Variants in SLC9A9 observed in about 807,000 individuals in gnomAD.
The protein encoded by SLC9A9 is sodium/hydrogen exchanger 9.
In SLC9A9, 62 loss-of-function variants were observed where a neutral mutation model predicts 77.8. That is an observed-to-expected ratio of 0.80 (90% CI 0.65 to 0.98). SLC9A9 has a LOEUF of 0.98. Among genes scored for constraint, SLC9A9 ranks in the 50% least tolerant of loss-of-function variants. The pLI is 0.00. For synonymous variants in SLC9A9, 320 were observed against 283.5 expected, an observed-to-expected ratio of 1.13 and a Z score of -1.29; for missense variants, 775 against 774.9, an observed-to-expected ratio of 1.00 and a Z score of 0.00.
chr3:143,410,865 T>C (rs1364226691), intron 12 of SLC9A9, among the ~76,000 whole-genome samples: 2 of 152,184 alleles, frequency 1.3e-5, no homozygotes, highest in Admixed American at 1.3e-4. Context: ...CTAGATAACA[T>C]TAAATTTTAG....
intron 4 of SLC9A9, among the ~76,000 whole-genome samples, chr3:143,788,688 C>CA (rs71140455): frequency 0.22 from 19,567 of 89,816 alleles, 2,550 homozygotes; most frequent in South Asian, 0.35. Flanking sequence ...GAGACTCCAT[C>CA]AAAAAAAAAA....
intron 11 of SLC9A9, among the ~76,000 whole-genome samples, chr3:143,467,854 C>T (rs1487627252): frequency 6.6e-6 from 1 of 152,110 alleles, no homozygotes; most frequent in African/African-American, 2.4e-5. Flanking sequence ...TTCCTAACAA[C>T]CAGTAATCTA....
At chr3:143,391,747 A>G (rs960772810) in intron 12 of SLC9A9, among the ~76,000 whole-genome samples, 1 of 152,250 alleles carries the variant, frequency 6.6e-6, no homozygotes, top group African/African-American at 2.4e-5. Context: ...AGTGTAGAGA[A>G]GTCCTTAAAT....
chr3:143,638,597 G>A (rs777183048), intron 6 of SLC9A9, among the ~76,000 whole-genome samples: 5 of 152,184 alleles, frequency 3.3e-5, no homozygotes, highest in Admixed American at 6.5e-5. Flanking sequence ...GGACCCCTGG[G>A]GCAGGAAAAT....
intron 11 of SLC9A9, among the ~76,000 whole-genome samples, chr3:143,493,441 A>G (rs1490599676): frequency 6.6e-6 from 1 of 152,272 alleles, no homozygotes; most frequent in African/African-American, 2.4e-5. Context: ...CCTTGAAGCC[A>G]TACCAATAAG....
At chr3:143,683,286 G>A (rs529729246) in intron 5 of SLC9A9, among the ~76,000 whole-genome samples, 3 of 152,020 alleles carry the variant, frequency 2.0e-5, no homozygotes, top group African/African-American at 7.2e-5. Context: ...TGAGGAATTC[G>A]AATCTAAGTA....
intron 9 of SLC9A9, among the ~76,000 whole-genome samples, chr3:143,509,251 G>T (rs1446356109): frequency 6.6e-6 from 1 of 152,102 alleles, no homozygotes; most frequent in Non-Finnish European, 1.5e-5. Context: ...TTCAATTGGA[G>T]AATAGACTAT....
At chr3:143,722,791 T>C (rs1369816159) in intron 4 of SLC9A9, among the ~76,000 whole-genome samples, 2 of 152,220 alleles carry the variant, frequency 1.3e-5, no homozygotes, top group African/African-American at 4.8e-5. Flanking sequence ...GATGATTTTC[T>C]ATTTATTTAC....
In SLC9A9 at chr3:143,521,184, A is replaced by G. The variant is rs545911215; in HGVS notation, c.1090-25736T>C. The stretch of plus-strand genomic sequence containing the variant: ...TGAAATGATAAAGACTGTCTTCTAA[A>G]CAATTTATGATTTTTGTTTTTCATA... On this transcript the variant is annotated intron_variant, in intron 9 of 15. Transcript: ENST00000316549. 3.9e-5 allele frequency among the ~76,000 whole-genome samples: 6 copies of G among 152,286 alleles called. No individual in the cohort carries two copies. In the South Asian group the frequency reaches 1.2e-3, roughly 32 times the overall value.
chr3:143,683,000 A>G (rs1933150933), intron 5 of SLC9A9, among the ~76,000 whole-genome samples: 1 of 152,216 alleles, frequency 6.6e-6, no homozygotes, highest in Non-Finnish European at 1.5e-5. Context: ...CTAAAGATTA[A>G]GGTATGGGCA....
At position 143,495,459 on chromosome 3, in the gene SLC9A9, A is replaced by G. The variant is rs369645693; in HGVS notation, c.1090-11T>C. ...CATAAATTCAAACAACTGAAACAAAACATAAAACAAAAAACCATTAATTAT... is the reference window on the plus strand; with the variant it reads ...CATAAATTCAAACAACTGAAACAAAGCATAAAACAAAAAACCATTAATTAT... On this transcript the variant is annotated splice_polypyrimidine_tract_variant and intron_variant, in intron 9 of 15. Transcript: ENST00000316549. The G allele has an allele frequency of 3.7e-5, 59 of 1,593,550 alleles. 1 individual carries two copies. In the South Asian group the frequency reaches 6.3e-4, roughly 17 times the overall value.
intron 4 of SLC9A9, among the ~76,000 whole-genome samples, chr3:143,763,192 C>A (rs1192744274): frequency 1.3e-5 from 2 of 152,108 alleles, no homozygotes; most frequent in Admixed American, 1.3e-4. Context: ...GTTCTTATGA[C>A]CAAAGGAGTT....
At chr3:143,387,609 C>G (rs2033458479) in intron 12 of SLC9A9, among the ~76,000 whole-genome samples, 1 of 152,088 alleles carries the variant, frequency 6.6e-6, no homozygotes, top group African/African-American at 2.4e-5. Flanking sequence ...CAGCTGTGCC[C>G]TCGTACATCT....
chr3:143,688,394 A>G (rs761211076), intron 5 of SLC9A9, among the ~76,000 whole-genome samples: 3 of 152,130 alleles, frequency 2.0e-5, no homozygotes, highest in Non-Finnish European at 4.4e-5. Flanking sequence ...GAAGGCAACA[A>G]ACTCAGCCTT....
At chr3:143,569,852 T>C (rs2108653895) in intron 8 of SLC9A9, among the ~76,000 whole-genome samples, 1 of 151,302 alleles carries the variant, frequency 6.6e-6, no homozygotes, top group African/African-American at 2.4e-5. Flanking sequence ...ATCTCTTTGT[T>C]GCCCAGAATA....
intron 6 of SLC9A9, among the ~76,000 whole-genome samples, chr3:143,587,987 G>T (rs2037573060): frequency 6.6e-6 from 1 of 152,290 alleles, no homozygotes; most frequent in South Asian, 2.1e-4. Flanking sequence ...CTCATTCTTT[G>T]TATTTCCAGA....
At chr3:143,550,118 C>T (rs763621952) in intron 9 of SLC9A9, among the ~76,000 whole-genome samples, 10 of 152,074 alleles carry the variant, frequency 6.6e-5, no homozygotes, top group Non-Finnish European at 1.5e-4. Context: ...GAGGTAGAGT[C>T]AAGCTTGGGA....
intron 5 of SLC9A9, among the ~76,000 whole-genome samples, chr3:143,657,758 T>C (rs2038915260): frequency 6.6e-6 from 1 of 152,238 alleles, no homozygotes; most frequent in Non-Finnish European, 1.5e-5. Context: ...TTGGTAAAAA[T>C]ATGTTATTTA....
chr3:143,672,465 T>C (rs2108766239), intron 5 of SLC9A9, among the ~76,000 whole-genome samples: 1 of 152,100 alleles, frequency 6.6e-6, no homozygotes, highest in African/African-American at 2.4e-5. Context: ...AACTGAAAAA[T>C]AAAAACTTTT....
Sources: gnomAD v4.1 joint callset for allele counts (sites outside exome capture counted in the v4.1 genomes callset) on GRCh38, gnomAD v4.1.1 for gene constraint, MANE v1.5 for transcripts, NCBI Gene and HGNC (gene_info 2026-07-23, HGNC 2026-07-21) for gene names.